ADAM12: variants seen among roughly 807,000 people sequenced by gnomAD.
ADAM12 encodes the protein ADAM metallopeptidase domain 12, also known as disintegrin and metalloproteinase domain-containing protein 12.
Under a neutral mutation model 106.4 loss-of-function variants are expected in ADAM12, and 70 were observed. The observed-to-expected ratio is 0.66, with a 90% CI of 0.54 to 0.80. The LOEUF (loss-of-function observed/expected upper bound fraction) is 0.80, where lower values mean the gene tolerates loss of function less well. ADAM12 is among the 30% of genes least tolerant of loss of function. The pLI, the probability that ADAM12 is intolerant of heterozygous loss-of-function variation, is 0.00. For missense variants in ADAM12, 1,010 were observed against 1,171.9 expected, an observed-to-expected ratio of 0.86 and a Z score of 2.02; for synonymous variants, 420 against 433.5, an observed-to-expected ratio of 0.97 and a Z score of 0.39.
intron 4 of ADAM12, among the ~76,000 whole-genome samples, chr10:126,139,526 CGT>C (rs1169466889): frequency 6.6e-6 from 1 of 152,088 alleles, no homozygotes; most frequent in Admixed American, 6.5e-5. Flanking sequence ...ATGAAAGTGC[CGT>C]GTGCTCCTTT....
rs374213541 is a variant in ADAM12, at chr10:126,066,948, G to A, written c.1324-142C>T. 32 of 767,174 alleles carry A rather than the reference G, an allele frequency of 4.2e-5. 1 individual carries two copies. Among genetic ancestry groups the A allele is most frequent in the East Asian group, 3.0e-4 (11 of 36,242 alleles). The allele number at this position is 767,174 out of a possible 1,614,324, so 47.5% of individuals were successfully genotyped here. On this transcript the variant is annotated intron_variant, in intron 12 of 22. Coordinates refer to ENST00000448723, the MANE Select transcript of ADAM12 (RefSeq NM_001288973.2). The surrounding 1 kb of genome is among the most constrained non-coding windows in gnomAD (Gnocchi z 5.1). ...CTGAACTGCACACCTGCCTGTTTCC[G>A]TCTGTTAGGAAAGCAAAGCTTCTGC...
At chr10:126,134,674 G>C (rs1222045843) in intron 5 of ADAM12, among the ~76,000 whole-genome samples, 2 of 152,240 alleles carry the variant, frequency 1.3e-5, no homozygotes, top group African/African-American at 4.8e-5. Flanking sequence ...TGGTAGGTGT[G>C]TGGTTGTTGT....
chr10:126,255,426 C>T (rs1958871609), intron 3 of ADAM12, among the ~76,000 whole-genome samples: 1 of 152,168 alleles, frequency 6.6e-6, no homozygotes, highest in African/African-American at 2.4e-5. Flanking sequence ...CCCACGGCTC[C>T]ACCTCACACA....
intron 3 of ADAM12, among the ~76,000 whole-genome samples, chr10:126,219,286 G>C (rs544970611): frequency 3.3e-5 from 5 of 152,176 alleles, no homozygotes; most frequent in Non-Finnish European, 7.3e-5. Flanking sequence ...TTAGCGCCTC[G>C]AACAGAGGTC....
rs1953610734 is a variant in ADAM12, at chr10:126,013,884, G to A, written c.*3395C>T. The A allele has an allele frequency of 6.6e-6, 1 of 152,428 alleles. No individual in the cohort carries two copies. The highest frequency in any genetic ancestry group is 6.5e-5 in the Admixed American group (1 of 15,274). 9.4% of individuals were successfully genotyped at this position (152,428 alleles called of 1,614,324 possible). A position where few individuals can be genotyped will look rare whatever the true frequency, so the allele number is the denominator to read the frequency against. On this transcript the variant is annotated 3_prime_UTR_variant, in exon 23 of 23. Transcript: ENST00000448723. The surrounding 1 kb of genome is among the most constrained non-coding windows in gnomAD (Gnocchi z 4.3). ...TCATTGTGTGTGAAACTCCTAGCCT[G>A]AGAGCCCCACCTCTGGTCAGCACTA...
intron 4 of ADAM12, among the ~76,000 whole-genome samples, chr10:126,141,224 C>T (rs868615076): frequency 6.6e-6 from 1 of 152,230 alleles, no homozygotes; most frequent in Non-Finnish European, 1.5e-5. Flanking sequence ...CCACAACCCT[C>T]TGCAGACCTT....
intron 3 of ADAM12, among the ~76,000 whole-genome samples, chr10:126,203,114 C>T (rs899498135): frequency 1.3e-5 from 2 of 152,060 alleles, no homozygotes; most frequent in South Asian, 2.1e-4. Flanking sequence ...ATGGAGACAG[C>T]GATGGTCAGG....
chr10:126,206,864 G>GGGGGGGGC (rs1957808474), intron 3 of ADAM12, among the ~76,000 whole-genome samples: 1 of 146,274 alleles, frequency 6.8e-6, no homozygotes, highest in Non-Finnish European at 1.5e-5. Context: ...TGGGGGCGGG[G>GGGGGGGGC]GGGAGCCAGT....
chr10:126,071,370 G>C (rs1041822801), intron 12 of ADAM12, 107 bp downstream of exon 12: 61 of 1,374,482 alleles, frequency 4.4e-5, no homozygotes, highest in Non-Finnish European at 6.0e-5. Flanking sequence ...CTTCCTTCCT[G>C]AGTTCTAGTA....
intron 2 of ADAM12, among the ~76,000 whole-genome samples, chr10:126,310,733 T>C (rs1415758782): frequency 2.0e-5 from 3 of 152,190 alleles, no homozygotes; most frequent in Non-Finnish European, 2.9e-5. Context: ...TGTCTCATTA[T>C]CAATGGGAAG....
intron 2 of ADAM12, among the ~76,000 whole-genome samples, chr10:126,289,768 AGGCTAC>A (rs1960061745): frequency 6.6e-6 from 1 of 152,208 alleles, no homozygotes; most frequent in Non-Finnish European, 1.5e-5. Context: ...TCAGGCTAGA[AGGCTAC>A]GGTCAGACGG....
At chr10:126,202,891 C>T (rs561416331) in intron 3 of ADAM12, among the ~76,000 whole-genome samples, 2 of 133,296 alleles carry the variant, frequency 1.5e-5, no homozygotes, top group East Asian at 2.1e-4. Context: ...TTTAAACCAC[C>T]GAAAGAAAAA....
intron 1 of ADAM12, among the ~76,000 whole-genome samples, chr10:126,352,643 C>T (rs934857026): frequency 7.9e-5 from 12 of 152,136 alleles, no homozygotes; most frequent in Admixed American, 3.3e-4. Context: ...AGTTGCCAGG[C>T]GCTTGACAGT....
chr10:126,055,621 G>A (rs867389111), intron 14 of ADAM12, among the ~76,000 whole-genome samples: 3 of 152,098 alleles, frequency 2.0e-5, no homozygotes, highest in African/African-American at 2.4e-5. Flanking sequence ...TGGGTTTAAA[G>A]CCAAAACCCA....
rs1198911621 is a variant in ADAM12, at chr10:126,286,762, G to A, written c.187-7774C>T. Reference sequence around the variant, plus strand: ...GGTGTCCCTGGATTGGGGCCTGTTTGTTATTACATAAATAATGATAATGTT... The same window carrying A: ...GGTGTCCCTGGATTGGGGCCTGTTTATTATTACATAAATAATGATAATGTT... On this transcript the variant is annotated intron_variant, in intron 2 of 22. Coordinates refer to ENST00000448723, the MANE Select transcript of ADAM12 (RefSeq NM_001288973.2). 3.9e-5 allele frequency among the ~76,000 whole-genome samples: 6 copies of A among 152,256 alleles called. No homozygotes were observed. The East Asian group carries it at 1.2e-3, about 29-fold the overall frequency.
At chr10:126,104,462 A>AAAAG (rs917640425) in intron 8 of ADAM12, among the ~76,000 whole-genome samples, 3 of 151,316 alleles carry the variant, frequency 2.0e-5, no homozygotes, top group Admixed American at 6.6e-5. Flanking sequence ...AAAAAAAAAA[A>AAAAG]AAAGAAAGAA....
chr10:126,069,807 A>T (rs901058416), intron 12 of ADAM12, among the ~76,000 whole-genome samples: 1 of 151,974 alleles, frequency 6.6e-6, no homozygotes, highest in Admixed American at 6.6e-5. Flanking sequence ...TATGGTGATG[A>T]TGGTCATGAG....
intron 11 of ADAM12, among the ~76,000 whole-genome samples, chr10:126,083,356 C>T (rs961715498): frequency 6.6e-6 from 1 of 152,342 alleles, no homozygotes; most frequent in African/African-American, 2.4e-5. Flanking sequence ...GTTCTTCCCA[C>T]TCAACCACAC....
At chr10:126,325,895 A>G (rs1009518901) in intron 2 of ADAM12, among the ~76,000 whole-genome samples, 1 of 147,414 alleles carries the variant, frequency 6.8e-6, no homozygotes, top group Admixed American at 6.7e-5. Context: ...GGGAATGCAG[A>G]TAAGTTTATC....
Sources: allele counts gnomAD v4.1 joint callset (sites outside exome capture counted in the v4.1 genomes callset), GRCh38; gene constraint gnomAD v4.1.1; non-coding constraint Gnocchi (gnomAD v3.1); transcripts MANE v1.5; gene names NCBI Gene and HGNC (gene_info 2026-07-23, HGNC 2026-07-21).